The following UMAD1 variants were observed in gnomAD, a reference collection of about 807,000 sequenced individuals.
The protein encoded by UMAD1 is UBAP1-MVB12-associated (UMA) domain containing 1.
A neutral mutation model predicts 6.1 loss-of-function variants in UMAD1; 8 were observed. The observed-to-expected ratio is 1.30, with a 90% CI of 0.76 to 2.35. The LOEUF (loss-of-function observed/expected upper bound fraction) is 2.35. Among genes scored for constraint, UMAD1 ranks in the 30% most tolerant of loss-of-function variants. The probability of loss-of-function intolerance (pLI) is 0.00; values close to 1 mark genes in which losing one functional copy is unlikely to be tolerated. For missense variants in UMAD1, 130 were observed against 78.4 expected, an observed-to-expected ratio of 1.66 and a Z score of -2.49; for synonymous variants, 56 against 31.4, an observed-to-expected ratio of 1.78 and a Z score of -2.61.
intron 2 of UMAD1, among the ~76,000 whole-genome samples, chr7:7,789,619 T>TCCCCCCCCCCCC (rs200939941): frequency 6.9e-6 from 1 of 145,978 alleles, no homozygotes; most frequent in African/African-American, 2.6e-5. Flanking sequence ...ATACCCCTTC[T>TCCCCCCCCCCCC]CCCCTCCCCA....
chr7:7,735,938 C>T (rs776981799), intron 2 of UMAD1: 1 of 152,264 alleles, frequency 6.6e-6, no homozygotes, highest in East Asian at 1.9e-4. Flanking sequence ...CATTGTTTGT[C>T]CATGATTAGA....
chr7:7,657,507 G>T (rs1398795317), intron 1 of UMAD1, among the ~76,000 whole-genome samples: 1 of 152,120 alleles, frequency 6.6e-6, no homozygotes, highest in Non-Finnish European at 1.5e-5. Flanking sequence ...TAAGGGAGCA[G>T]TCCAGTTTCA....
rs148838620 is a variant in UMAD1 at position 7,864,332 on chromosome 7, A to C, written c.157-12949A>C. On this transcript the variant is annotated intron_variant, in intron 3 of 3. Transcript: ENST00000682710. ...AATAAATGTGAGCTCTACATTTAGA[A>C]ATATTAATAAAGACAAGTAAGAACA... Among the ~76,000 whole-genome samples the C allele has an allele frequency of 7.0e-3, 1,073 of 152,254 alleles. 10 individuals carry two copies. The highest frequency in any genetic ancestry group is 8.5e-3 in the South Asian group (41 of 4,818).
chr7:7,811,992 C>T lies in UMAD1; in HGVS notation c.156+10249C>T, dbSNP rs180805574. On this transcript the variant is annotated intron_variant, in intron 3 of 3. Transcript: ENST00000682710. Reference sequence around the variant, plus strand: ...CCAGAACACTGCCAAGATAAACTTACAGCCTGCTTCTCAAAGTTTGTGAAG... The same window carrying T: ...CCAGAACACTGCCAAGATAAACTTATAGCCTGCTTCTCAAAGTTTGTGAAG... Among the ~76,000 whole-genome samples, 370 of 152,326 alleles carry T rather than the reference C, an allele frequency of 2.4e-3. 1 individual carries two copies. The highest frequency in any genetic ancestry group is 3.8e-3 in the Non-Finnish European group (257 of 68,026).
At chr7:7,673,969 T>C (rs1345940644) in intron 2 of UMAD1, among the ~76,000 whole-genome samples, 3 of 152,230 alleles carry the variant, frequency 2.0e-5, no homozygotes, top group African/African-American at 7.2e-5. Flanking sequence ...AAATATTTCT[T>C]ACAATCAAAT....
At chr7:7,661,420 G>T (rs568072462) in intron 1 of UMAD1, among the ~76,000 whole-genome samples, 2 of 152,110 alleles carry the variant, frequency 1.3e-5, no homozygotes, top group East Asian at 3.9e-4. Context: ...GCCTTTTTGC[G>T]CTGGTTTGTC....
chr7:7,704,143 A>G (rs1027247961), intron 2 of UMAD1, among the ~76,000 whole-genome samples: 2 of 152,196 alleles, frequency 1.3e-5, no homozygotes, highest in Admixed American at 6.5e-5. Context: ...ACATCATGAT[A>G]GTCTGAATGC....
chr7:7,865,249 C>T (rs1784204123), intron 3 of UMAD1, among the ~76,000 whole-genome samples: 1 of 152,220 alleles, frequency 6.6e-6, no homozygotes, highest in Non-Finnish European at 1.5e-5. Flanking sequence ...GAAATGGGCG[C>T]AGCCTTGTGA....
intron 2 of UMAD1, among the ~76,000 whole-genome samples, chr7:7,734,866 A>G (rs1483955029): frequency 6.6e-6 from 1 of 152,206 alleles, no homozygotes; most frequent in Admixed American, 6.5e-5. Context: ...GTGTATTAAC[A>G]ATGCTTTGCA....
At chr7:7,812,547 G>A (rs1783040069) in intron 3 of UMAD1, among the ~76,000 whole-genome samples, 2 of 152,140 alleles carry the variant, frequency 1.3e-5, no homozygotes, top group African/African-American at 2.4e-5. Flanking sequence ...AGATACACAT[G>A]TGTTAATTAT....
intron 3 of UMAD1, among the ~76,000 whole-genome samples, chr7:7,866,337 A>T (rs1784224675): frequency 6.6e-6 from 1 of 152,156 alleles, no homozygotes; most frequent in South Asian, 2.1e-4. Context: ...GGTGACAGGG[A>T]ATTCTAGTCG....
chr7:7,788,113 A>G (rs913487196), intron 2 of UMAD1, among the ~76,000 whole-genome samples: 2 of 152,184 alleles, frequency 1.3e-5, no homozygotes, highest in Admixed American at 6.5e-5. Context: ...TAAACACATT[A>G]TTGTCCTCAT....
chr7:7,771,216 C>G lies in UMAD1; in HGVS notation c.83-30454C>G, dbSNP rs1782094105. On this transcript the variant is annotated intron_variant, in intron 2 of 3. Transcript: ENST00000682710. ...AGCCTAAGTTGTATATACCCAATAA[C>G]TATGTATTACATTGCATTATTGACA... Among the ~76,000 whole-genome samples, 3 of 151,424 alleles carry G rather than the reference C, an allele frequency of 2.0e-5. No homozygotes were observed. In the East Asian group the frequency reaches 5.8e-4, roughly 29 times the overall value.
chr7:7,663,885 C>G (rs1033708810), intron 1 of UMAD1, among the ~76,000 whole-genome samples: 1 of 152,124 alleles, frequency 6.6e-6, no homozygotes, highest in African/African-American at 2.4e-5. Flanking sequence ...CTAGTCAAAA[C>G]AAGCAAAGGT....
intron 2 of UMAD1, among the ~76,000 whole-genome samples, chr7:7,724,000 A>T (rs547358703): frequency 6.6e-6 from 1 of 152,168 alleles, no homozygotes; most frequent in African/African-American, 2.4e-5. Flanking sequence ...TCCTCAATCA[A>T]TTTCCAGAAT....
chr7:7,654,556 T>C (rs1362488957), intron 1 of UMAD1, among the ~76,000 whole-genome samples: 1 of 152,214 alleles, frequency 6.6e-6, no homozygotes, highest in African/African-American at 2.4e-5. Context: ...CATCCTCCCA[T>C]ATGCTTTATC....
At chr7:7,688,716 G>A (rs1355005694) in intron 2 of UMAD1, among the ~76,000 whole-genome samples, 2 of 151,900 alleles carry the variant, frequency 1.3e-5, no homozygotes, top group Non-Finnish European at 2.9e-5. Flanking sequence ...CTTTATTTTT[G>A]TATGTCTTGC....
chr7:7,790,618 CT>C (rs1307729728), intron 2 of UMAD1, among the ~76,000 whole-genome samples: 2 of 152,178 alleles, frequency 1.3e-5, no homozygotes. Flanking sequence ...AGTGTTTAGG[CT>C]TACCTGAGTT....
chr7:7,740,424 A>G (rs2115204551), intron 2 of UMAD1, among the ~76,000 whole-genome samples: 1 of 152,354 alleles, frequency 6.6e-6, no homozygotes, highest in South Asian at 2.1e-4. Context: ...TCCTTCTTCA[A>G]ACTGTTATAA....
Sources: gnomAD v4.1 joint callset for allele counts (sites outside exome capture counted in the v4.1 genomes callset) on GRCh38, gnomAD v4.1.1 for gene constraint, MANE v1.5 for transcripts, NCBI Gene and HGNC (gene_info 2026-07-23, HGNC 2026-07-21) for gene names.